SLC29A4: variants seen among roughly 807,000 people sequenced by gnomAD.
SLC29A4 encodes solute carrier family 29 member 4, also known as equilibrative nucleoside transporter 4.
SLC29A4 carries 36 observed loss-of-function variants against 43.9 expected under a neutral mutation model. That is an observed-to-expected ratio of 0.82 (90% CI 0.63 to 1.08). The LOEUF (loss-of-function observed/expected upper bound fraction) is 1.08. Ranked by LOEUF, SLC29A4 falls within the 50% of genes least tolerant of loss-of-function variation. SLC29A4 has a pLI of 0.00. For synonymous variants in SLC29A4, 491 were observed against 338.0 expected (o/e 1.45, Z -4.97); for missense variants, 869 against 755.3 (o/e 1.15, Z -1.77).
chr7:5,295,039 C>A, intron 6 of SLC29A4, 105 bp downstream of exon 6: 2 of 1,015,632 alleles, frequency 2.0e-6, no homozygotes, highest in East Asian at 2.5e-5. Context: ...GGGAGGGAGG[C>A]TCACAATCCC....
intron 1 of SLC29A4, among the ~76,000 whole-genome samples, chr7:5,287,183 T>A (rs1051268446): frequency 6.6e-6 from 1 of 152,158 alleles, no homozygotes; most frequent in Non-Finnish European, 1.5e-5. Context: ...CCCCGCACTT[T>A]GGGAGGCCGA....
intron 7 of SLC29A4, 94 bp from the exon 8 acceptor site, chr7:5,298,894 C>G (rs1230833737): frequency 2.0e-5 from 28 of 1,406,528 alleles, no homozygotes; most frequent in Non-Finnish European, 2.5e-5. Context: ...AGCGCCAGCC[C>G]CAGTGCGGCT....
Position 5,294,854 on chromosome 7 carries a change from C to T in SLC29A4, c.545-6C>T, listed in dbSNP as rs758180577. 10 of 1,612,188 alleles carry T rather than the reference C, an allele frequency of 6.2e-6. No homozygotes were observed. In the Admixed American group the frequency reaches 1.5e-4, roughly 24 times the overall value. On this transcript the variant is annotated splice_polypyrimidine_tract_variant and splice_region_variant and intron_variant, in intron 5 of 10. Coordinates refer to ENST00000396872, the MANE Select transcript of SLC29A4 (RefSeq NM_153247.4). ...CTCTGGGTTGTTCCTCTCTCTCTCT[C>T]TTAAGTGCAGCAATCCAGCTTCTAC...
At chr7:5,298,686 G>A (rs1785892618) in intron 7 of SLC29A4, among the ~76,000 whole-genome samples, 2 of 152,166 alleles carry the variant, frequency 1.3e-5, no homozygotes. Context: ...TGTAGTCCCT[G>A]TTACTTGGGA....
intron 1 of SLC29A4, among the ~76,000 whole-genome samples, chr7:5,284,151 G>T (rs748558632): frequency 9.2e-5 from 14 of 152,050 alleles, no homozygotes; most frequent in Non-Finnish European, 1.9e-4. Flanking sequence ...TGGGAGGCCG[G>T]GGCTGAGGGA....
In SLC29A4 at chr7:5,288,606, C is replaced by T. The variant is rs1487319200; in HGVS notation, c.169+621C>T. ...CGCGCCCGTCCGCTGACCCATAAAG[C>T]TTCTATCTGGAGTGACACATGTCAC... On this transcript the variant is annotated intron_variant, in intron 2 of 10. Coordinates refer to ENST00000396872, the MANE Select transcript of SLC29A4 (RefSeq NM_153247.4). Among the ~76,000 whole-genome samples, 5 of 152,190 alleles carry T rather than the reference C, an allele frequency of 3.3e-5. No homozygotes were observed. The East Asian group carries it at 9.7e-4, about 29-fold the overall frequency.
chr7:5,304,341 C>T lies in SLC29A4; in HGVS notation c.*1402C>T, dbSNP rs969702783. The T allele has an allele frequency of 2.7e-5, 4 of 149,302 alleles. No homozygotes were observed. Among genetic ancestry groups the T allele is most frequent in the African/African-American group, 9.8e-5 (4 of 40,654 alleles). 9.2% of individuals were successfully genotyped at this position (149,302 alleles called of 1,614,324 possible). ...TCGTGAGGATCAGGGAGGATGGCCACATGCAGCCCATTTGAAGGGGAAACA... is the reference window on the plus strand; with the variant it reads ...TCGTGAGGATCAGGGAGGATGGCCATATGCAGCCCATTTGAAGGGGAAACA... On this transcript the variant is annotated 3_prime_UTR_variant, in exon 11 of 11. Transcript: ENST00000396872.
At chr7:5,283,543 C>T (rs1348975542) in intron 1 of SLC29A4, among the ~76,000 whole-genome samples, 11 of 152,158 alleles carry the variant, frequency 7.2e-5, no homozygotes, top group Non-Finnish European at 5.9e-5. Context: ...AACTTTGCGG[C>T]TGATGAGGCC....
At chr7:5,285,874 C>T (rs1178091419) in intron 1 of SLC29A4, among the ~76,000 whole-genome samples, 1 of 152,080 alleles carries the variant, frequency 6.6e-6, no homozygotes. Context: ...TTAGCCGGGC[C>T]TGGTGGCACA....
intron 5 of SLC29A4, among the ~76,000 whole-genome samples, chr7:5,292,774 C>T (rs1402606401): frequency 1.5e-5 from 2 of 136,986 alleles, no homozygotes; most frequent in Non-Finnish European, 3.1e-5. Flanking sequence ...TCTCAACTCA[C>T]TGCAACCTCC....
At position 5,297,070 on chromosome 7, in the gene SLC29A4, G is replaced by C; in HGVS notation, c.754G>C (p.Val252Leu). ...ELLCFLLHLL[V>L]RRSRFVLFYT... ...GCTGTGTTTCCTGCTGCACCTGTTAGTGCGGCGCAGCCGCTTCGTGCTCTT... is the reference window on the plus strand; with the variant it reads ...GCTGTGTTTCCTGCTGCACCTGTTACTGCGGCGCAGCCGCTTCGTGCTCTT... The change falls in exon 7 of 11, where the codon GTG (valine) becomes CTG (leucine). Residue 252 changes from valine to leucine, a missense_variant. Coordinates refer to ENST00000396872, the MANE Select transcript of SLC29A4 (RefSeq NM_153247.4). The C allele has an allele frequency of 6.2e-7, 1 of 1,607,978 alleles. No homozygotes were observed. Among genetic ancestry groups the C allele is most frequent in the Non-Finnish European group, 8.5e-7 (1 of 1,179,718 alleles).
At chr7:5,285,868 C>T (rs1289707152) in intron 1 of SLC29A4, among the ~76,000 whole-genome samples, 2 of 152,154 alleles carry the variant, frequency 1.3e-5, no homozygotes, top group South Asian at 2.1e-4. Context: ...AAAAAATTAG[C>T]CGGGCCTGGT....
intron 1 of SLC29A4, among the ~76,000 whole-genome samples, chr7:5,286,890 G>T (rs1346887575): frequency 6.6e-6 from 1 of 152,240 alleles, no homozygotes; most frequent in Non-Finnish European, 1.5e-5. Flanking sequence ...AGAGGACACT[G>T]CAGCGCGGTG....
intron 6 of SLC29A4, among the ~76,000 whole-genome samples, chr7:5,295,565 G>T (rs542505119): frequency 6.6e-6 from 1 of 152,240 alleles, no homozygotes; most frequent in Admixed American, 6.5e-5. Context: ...CCCGGGTACC[G>T]GCACTGTGTG....
At chr7:5,292,656 G>C (rs1419403236) in intron 5 of SLC29A4, among the ~76,000 whole-genome samples, 1 of 138,142 alleles carries the variant, frequency 7.2e-6, no homozygotes, top group African/African-American at 2.7e-5. Flanking sequence ...TAATACTTCA[G>C]AGTGTATTTT....
Position 5,294,732 on chromosome 7 carries a change from C to G in SLC29A4, c.545-128C>G, listed in dbSNP as rs763073912. On this transcript the variant is annotated intron_variant, in intron 5 of 10. Coordinates refer to ENST00000396872, the MANE Select transcript of SLC29A4 (RefSeq NM_153247.4). Reference sequence around the variant, plus strand: ...GTTCCTACTGCTGCGTGTCAAATCTCTCTGCCATTAGTGGTGTTAACGGCT... The same window carrying G: ...GTTCCTACTGCTGCGTGTCAAATCTGTCTGCCATTAGTGGTGTTAACGGCT... 22 of 904,912 alleles carry G rather than the reference C, an allele frequency of 2.4e-5. No homozygotes were observed. In the Middle Eastern group the frequency reaches 8.9e-4, roughly 37 times the overall value. 56.1% of individuals were successfully genotyped at this position (904,912 alleles called of 1,614,324 possible).
At position 5,284,038 on chromosome 7, in the gene SLC29A4, C is replaced by CCT. The variant is rs1554260995; in HGVS notation, c.-9+957_-9+958insTC. 2.5e-3 allele frequency among the ~76,000 whole-genome samples: 267 copies of CCT among 108,560 alleles called. 11 individuals are homozygous for CCT. Among genetic ancestry groups the CCT allele is most frequent in the African/African-American group, 7.7e-3 (243 of 31,692 alleles). 71.2% of individuals were successfully genotyped at this position (108,560 alleles called of 152,430 possible). A position where few individuals can be genotyped will look rare whatever the true frequency, so the allele number is the denominator to read the frequency against. On this transcript the variant is annotated intron_variant, in intron 1 of 10. Coordinates refer to ENST00000396872, the MANE Select transcript of SLC29A4 (RefSeq NM_153247.4). ...CTCCAGTCTGAGCTGCACGACCCCC[C>CCT]CCCCCACCCCCGACTTGGCCTCTCT...
Position 5,306,201 on chromosome 7 carries a change from T to C in SLC29A4, c.*3262T>C, listed in dbSNP as rs1455975510. 2.1e-5 allele frequency: 3 copies of C among 141,202 alleles called. No individual in the cohort carries two copies. The highest frequency in any genetic ancestry group is 3.1e-5 in the Non-Finnish European group (2 of 64,972). 8.7% of individuals were successfully genotyped at this position (141,202 alleles called of 1,614,324 possible). On this transcript the variant is annotated 3_prime_UTR_variant, in exon 11 of 11. Coordinates refer to ENST00000396872, the MANE Select transcript of SLC29A4 (RefSeq NM_153247.4). ...AAATTTGTTCAATTTCTTTTTTTTT[T>C]TTTTTTTTTTTTTTTGAGACAATCT...
chr7:5,288,060 G>C, intron 2 of SLC29A4, 75 bp downstream of exon 2: 1 of 1,491,478 alleles, frequency 6.7e-7, no homozygotes, highest in Non-Finnish European at 8.9e-7. Context: ...GTGAAGCCTT[G>C]CGGTATCGGG....
Sources: allele counts gnomAD v4.1 joint callset (sites outside exome capture counted in the v4.1 genomes callset), GRCh38; gene constraint gnomAD v4.1.1; transcripts MANE v1.5; gene names NCBI Gene and HGNC (gene_info 2026-07-23, HGNC 2026-07-21).